CECR2: variants seen among roughly 807,000 people sequenced by gnomAD.
The protein encoded by CECR2 is chromatin remodeling regulator CECR2.
Under a neutral mutation model 154.5 loss-of-function variants are expected in CECR2, and 30 were observed. The observed-to-expected ratio is 0.19, with a 90% confidence interval of 0.15 to 0.26. The LOEUF (loss-of-function observed/expected upper bound fraction) is 0.26. CECR2 is among the 10% of genes least tolerant of loss of function. CECR2 has a pLI of 1.00. For synonymous variants in CECR2, 725 were observed against 683.7 expected (o/e 1.06, Z -0.94); for missense variants, 1,743 against 1,829.3 (o/e 0.95, Z 0.86).
At chr22:17,367,975 C>G (rs1054754864), upstream of CECR2, among the ~76,000 whole-genome samples, 3 of 152,036 alleles carry the variant, frequency 2.0e-5, no homozygotes, top group African/African-American at 7.3e-5. Flanking sequence ...TCAAATAGTT[C>G]CAGGGAATGA....
intron 1 of CECR2, among the ~76,000 whole-genome samples, chr22:17,452,354 G>A (rs1483746033): frequency 3.3e-5 from 5 of 152,220 alleles, no homozygotes; most frequent in African/African-American, 1.2e-4. Flanking sequence ...GATTACAGGC[G>A]TGAGCTGCCA....
intron 9 of CECR2, among the ~76,000 whole-genome samples, chr22:17,533,045 C>T (rs1420790631): frequency 3.3e-5 from 5 of 151,800 alleles, no homozygotes; most frequent in East Asian, 1.9e-4. Flanking sequence ...CGGCCAGGCG[C>T]GGTGGCTCAC....
intron 8 of CECR2, among the ~76,000 whole-genome samples, chr22:17,513,495 A>T (rs2055997462): frequency 3.3e-5 from 5 of 152,232 alleles, no homozygotes; most frequent in Admixed American, 3.3e-4. Flanking sequence ...GAAAAGGGAA[A>T]GCTAATTTAT....
intron 1 of CECR2, among the ~76,000 whole-genome samples, chr22:17,422,223 AGT>A (rs2054266563): frequency 6.6e-6 from 1 of 152,058 alleles, no homozygotes; most frequent in Admixed American, 6.6e-5. Flanking sequence ...TTTGAGACGG[AGT>A]CTCACTCTGT....
chr22:17,370,189 G>C (rs1302858392), intron 1 of CECR2, among the ~76,000 whole-genome samples: 2 of 150,970 alleles, frequency 1.3e-5, no homozygotes, highest in Non-Finnish European at 3.0e-5. Context: ...GAGAGGGAGC[G>C]GGAGCGGGAC....
chr22:17,384,672 A>T (rs1194979980), intron 1 of CECR2, among the ~76,000 whole-genome samples: 1 of 152,228 alleles, frequency 6.6e-6, no homozygotes, highest in Non-Finnish European at 1.5e-5. Context: ...TTTAGAGAGC[A>T]CAGGCAGAAT....
At chr22:17,533,638 A>T (rs555428119) in intron 9 of CECR2, among the ~76,000 whole-genome samples, 68 of 152,236 alleles carry the variant, frequency 4.5e-4, no homozygotes, top group Non-Finnish European at 7.5e-4. Flanking sequence ...TCCTAAAAAA[A>T]AAGAATCTGT....
chr22:17,392,053 A>G (rs1220901889), intron 1 of CECR2, among the ~76,000 whole-genome samples: 1 of 152,112 alleles, frequency 6.6e-6, no homozygotes, highest in East Asian at 1.9e-4. Flanking sequence ...CAGGTGATCC[A>G]CCTGCTTCGG....
intron 1 of CECR2, among the ~76,000 whole-genome samples, chr22:17,465,545 T>C (rs1235912590): frequency 6.6e-6 from 1 of 151,968 alleles, no homozygotes; most frequent in Admixed American, 6.6e-5. Flanking sequence ...AATGCAGTAG[T>C]GCATTCTTGG....
At chr22:17,426,103 C>T (rs1334612593) in intron 1 of CECR2, among the ~76,000 whole-genome samples, 1 of 152,080 alleles carries the variant, frequency 6.6e-6, no homozygotes, top group African/African-American at 2.4e-5. Context: ...TTCCCCCCAC[C>T]CAGATTATTT....
chr22:17,468,695 C>T lies in CECR2; in HGVS notation c.127-8893C>T, dbSNP rs527845643. Among the ~76,000 whole-genome samples the T allele has an allele frequency of 7.2e-5, 11 of 152,194 alleles. 1 individual carries two copies. The highest frequency in any genetic ancestry group is 4.2e-4 in the South Asian group (2 of 4,812). Reference sequence around the variant, plus strand: ...TCTCTCCAAAAAACCAGCAACCCCCCGCCCCATGATGACCATAGGTCCCAA... The same window carrying T: ...TCTCTCCAAAAAACCAGCAACCCCCTGCCCCATGATGACCATAGGTCCCAA... On this transcript the variant is annotated intron_variant, in intron 1 of 18. Coordinates refer to ENST00000262608, the MANE Select transcript of CECR2 (RefSeq NM_001290047.2).
intron 8 of CECR2, among the ~76,000 whole-genome samples, chr22:17,512,809 G>T (rs2055983278): frequency 7.9e-5 from 12 of 152,104 alleles, no homozygotes; most frequent in Admixed American, 7.9e-4. Flanking sequence ...CCTGAAAAGG[G>T]TCCAGGAATG....
intron 1 of CECR2, among the ~76,000 whole-genome samples, chr22:17,472,730 C>G (rs1267340045): frequency 2.6e-5 from 4 of 152,058 alleles, no homozygotes; most frequent in African/African-American, 9.7e-5. Flanking sequence ...AAAATTTATA[C>G]AGGGATTAGA....
chr22:17,426,083 T>C (rs571428197), intron 1 of CECR2, among the ~76,000 whole-genome samples: 4 of 152,294 alleles, frequency 2.6e-5, no homozygotes, highest in South Asian at 2.1e-4. Flanking sequence ...GACAGTCTTG[T>C]TTTATCTGTT....
chr22:17,365,660 C>A (rs2062998500), upstream of CECR2, among the ~76,000 whole-genome samples: 1 of 152,116 alleles, frequency 6.6e-6, no homozygotes, highest in Non-Finnish European at 1.5e-5. Flanking sequence ...GGCACCACTG[C>A]ACTCCAGCCT....
At chr22:17,388,381 C>G (rs753997882) in intron 1 of CECR2, among the ~76,000 whole-genome samples, 11 of 152,224 alleles carry the variant, frequency 7.2e-5, no homozygotes, top group Non-Finnish European at 1.5e-4. Context: ...CCCCATGAGG[C>G]AGGCATCACC....
At chr22:17,514,118 T>G (rs891709657) in intron 8 of CECR2, among the ~76,000 whole-genome samples, 1 of 152,192 alleles carries the variant, frequency 6.6e-6, no homozygotes, top group African/African-American at 2.4e-5. Flanking sequence ...CAGTCCAAAC[T>G]TATTGCCTGA....
chr22:17,495,906 G>C (rs2055619423), intron 2 of CECR2, among the ~76,000 whole-genome samples: 1 of 150,518 alleles, frequency 6.6e-6, no homozygotes, highest in Non-Finnish European at 1.5e-5. Flanking sequence ...CCTGGATGTG[G>C]TAAGACGCAC....
Position 17,502,042 on chromosome 22 carries a change from A to G in CECR2, c.651-1040A>G, listed in dbSNP as rs79514911. 5.4e-3 allele frequency among the ~76,000 whole-genome samples: 828 copies of G among 152,326 alleles called. 7 individuals are homozygous for G. Among genetic ancestry groups the G allele is most frequent in the African/African-American group, 0.019 (770 of 41,564 alleles). On this transcript the variant is annotated intron_variant, in intron 5 of 18. Coordinates refer to ENST00000262608, the MANE Select transcript of CECR2 (RefSeq NM_001290047.2). ...ATATAGAACATTTTCATTCTCATAG[A>G]AACTTTAATCGAAAACAAGCGAAAA...
Sources: allele counts gnomAD v4.1 joint callset (sites outside exome capture counted in the v4.1 genomes callset), GRCh38; gene constraint gnomAD v4.1.1; transcripts MANE v1.5; gene names NCBI Gene and HGNC (gene_info 2026-07-23, HGNC 2026-07-21).